RASL12: variants seen among roughly 807,000 people sequenced by gnomAD.
The protein encoded by RASL12 is ras-like protein family member 12.
A neutral mutation model predicts 22.9 loss-of-function variants in RASL12; 16 were observed. That is an observed-to-expected ratio of 0.70 (90% CI 0.47 to 1.06). RASL12 has a LOEUF of 1.06. Ranked by LOEUF, RASL12 falls within the 50% of genes least tolerant of loss-of-function variation. The pLI is 0.00. For synonymous variants in RASL12, 159 were observed against 152.2 expected, an observed-to-expected ratio of 1.04 and a Z score of -0.33; for missense variants, 306 against 353.1, an observed-to-expected ratio of 0.87 and a Z score of 1.07.
downstream of RASL12, among the ~76,000 whole-genome samples, chr15:65,052,469 C>A (rs550790277): frequency 7.0e-6 from 1 of 142,942 alleles, no homozygotes; most frequent in Non-Finnish European, 1.5e-5. Flanking sequence ...GGCACAATCT[C>A]GGCTCACTGC....
intron 3 of RASL12, 116 bp downstream of exon 3, chr15:65,059,229 A>G: frequency 2.4e-6 from 2 of 844,132 alleles, no homozygotes; most frequent in Non-Finnish European, 4.0e-6. Flanking sequence ...GTTACACAGC[A>G]AAGTTGAGCT....
downstream of RASL12, chr15:65,050,040 C>T (rs368220422): frequency 5.2e-5 from 81 of 1,551,526 alleles, no homozygotes; most frequent in South Asian, 7.1e-4. Flanking sequence ...GAGACCCAGC[C>T]GGTACTGTGG....
chr15:65,065,164 G>C, intron 2 of RASL12, 53 bp downstream of exon 2: 1 of 1,571,584 alleles, frequency 6.4e-7, no homozygotes, highest in Non-Finnish European at 8.7e-7. Flanking sequence ...GGTCCCAGGA[G>C]AGCACTCCAG....
chr15:65,075,241 G>A (rs903868607), intron 1 of RASL12, among the ~76,000 whole-genome samples: 7 of 152,222 alleles, frequency 4.6e-5, no homozygotes, highest in East Asian at 1.9e-4. Flanking sequence ...ATTTCTCACC[G>A]GGCCTTAGCT....
At chr15:65,063,641 C>A (rs1385295764) in intron 2 of RASL12, among the ~76,000 whole-genome samples, 1 of 152,228 alleles carries the variant, frequency 6.6e-6, no homozygotes, top group Non-Finnish European at 1.5e-5. Flanking sequence ...ATGTCACCTG[C>A]CCTGCATCCC....
chr15:65,068,127 T>C (rs2086903913), upstream of RASL12: 1 of 1,022,122 alleles, frequency 9.8e-7, no homozygotes, highest in Non-Finnish European at 1.2e-6. The surrounding 1 kb of genome is among the most constrained non-coding windows in gnomAD (Gnocchi z 4.2). Context: ...AGGGAGCTCC[T>C]GCCGGCCGCG....
chr15:65,074,865 G>C (rs2086954125), intron 1 of RASL12, among the ~76,000 whole-genome samples: 1 of 152,270 alleles, frequency 6.6e-6, no homozygotes, highest in Non-Finnish European at 1.5e-5. Flanking sequence ...CATGCTGGCA[G>C]TCCTCAGAGC....
At position 65,054,483 on chromosome 15, in the gene RASL12, C is replaced by A; in HGVS notation, c.*416G>T. 1.0e-6 allele frequency: 1 copy of A among 999,426 alleles called. No homozygotes were observed. Among genetic ancestry groups the A allele is most frequent in the Non-Finnish European group, 1.2e-6 (1 of 839,120 alleles). 61.9% of individuals were successfully genotyped at this position (999,426 alleles called of 1,614,324 possible). A position where few individuals can be genotyped will look rare whatever the true frequency, so the allele number is the denominator to read the frequency against. ...AGGTGGCACAAGGACCCCAGGCTGT[C>A]ATTCCGCAGGCTGTTCTCGGGCCTG... is the stretch of plus-strand genomic sequence containing the variant. On this transcript the variant is annotated 3_prime_UTR_variant, in exon 5 of 5. Transcript: ENST00000220062.
intron 2 of RASL12, among the ~76,000 whole-genome samples, chr15:65,061,418 G>C (rs1380302732): frequency 6.6e-6 from 1 of 152,228 alleles, no homozygotes; most frequent in Non-Finnish European, 1.5e-5. Flanking sequence ...GCATGAGCTG[G>C]AAGAAGCCTT....
At chr15:65,063,208 C>CAA (rs11346505) in intron 2 of RASL12, among the ~76,000 whole-genome samples, 71 of 150,058 alleles carry the variant, frequency 4.7e-4, no homozygotes, top group Non-Finnish European at 8.1e-4. Flanking sequence ...ATCTGAATCT[C>CAA]AAAAAAAAAA....
chr15:65,069,294 T>C (rs1452835402), upstream of RASL12, among the ~76,000 whole-genome samples: 4 of 152,230 alleles, frequency 2.6e-5, no homozygotes, highest in African/African-American at 9.6e-5. Context: ...TTTGTTTAGA[T>C]TACACTCTCA....
rs900865158 is a variant in RASL12 at position 65,067,770 on chromosome 15, G to A, written c.66C>T (p.Asn22=). 1 of 1,581,320 alleles carries A rather than the reference G, an allele frequency of 6.3e-7. No individual in the cohort carries two copies. Among genetic ancestry groups the A allele is most frequent in the Non-Finnish European group, 8.6e-7 (1 of 1,166,428 alleles). Residue 22 remains asparagine (N), a synonymous_variant, in exon 1 of 5, where the codon AAC becomes AAT. Transcript: ENST00000220062. ...CCCCGCGGCGCCCCAGGATGGCCAG[G>A]TTGACCTCGAGGGGCGCGCTCTGAG... The part of the protein sequence containing the change: ...SGPQSAPLEV[N]LAILGRRGAG...
chr15:65,059,966 G>C (rs2086782614), intron 2 of RASL12, among the ~76,000 whole-genome samples: 1 of 152,256 alleles, frequency 6.6e-6, no homozygotes, highest in African/African-American at 2.4e-5. Context: ...AGTGTAGTCA[G>C]AAGTTTTCAG....
At chr15:65,066,510 TAAAA>T in intron 1 of RASL12, among the ~76,000 whole-genome samples, 1 of 145,524 alleles carries the variant, frequency 6.9e-6, no homozygotes, top group Non-Finnish European at 1.5e-5. Context: ...GACACTGTCT[TAAAA>T]AAAAAAAAGT....
At chr15:65,048,833 A>AC (rs1355754469), downstream of RASL12, among the ~76,000 whole-genome samples, 6 of 151,974 alleles carry the variant, frequency 3.9e-5, no homozygotes, top group Non-Finnish European at 7.4e-5. Context: ...ACATGGTGAA[A>AC]CCCCATCTCT....
At chr15:65,061,124 C>T (rs1004640467) in intron 2 of RASL12, among the ~76,000 whole-genome samples, 5 of 152,244 alleles carry the variant, frequency 3.3e-5, no homozygotes, top group Admixed American at 1.3e-4. Context: ...GCTAGCTCAA[C>T]CTTGGTCTCC....
At chr15:65,073,856 C>T (rs767931357) in intron 1 of RASL12, among the ~76,000 whole-genome samples, 2 of 152,164 alleles carry the variant, frequency 1.3e-5, no homozygotes, top group African/African-American at 2.4e-5. Context: ...GTATAAAGTG[C>T]TTACAACAGT....
At chr15:65,050,465 G>A (rs751626976), downstream of RASL12, among the ~76,000 whole-genome samples, 1 of 152,230 alleles carries the variant, frequency 6.6e-6, no homozygotes, top group African/African-American at 2.4e-5. Context: ...CGCATAGTGC[G>A]TTGGTGATGA....
In RASL12 at chr15:65,065,221, G is replaced by A. The variant is rs772808034; in HGVS notation, c.156C>T (p.Asn52=). 2 of 1,612,488 alleles carry A rather than the reference G, an allele frequency of 1.2e-6. No homozygotes were observed. The highest frequency in any genetic ancestry group is 1.1e-5 in the South Asian group (1 of 90,462). ...TKRFISEYDP[N]LEDTYSSEET... ...GTACGGGGAGTAGTTTCTTACCCAA[G>A]TTGGGGTCATATTCACTGATAAACC... The change falls in exon 2 of 5, where the codon AAC becomes AAT. Residue 52 remains asparagine (N), a synonymous_variant. Coordinates refer to ENST00000220062, the MANE Select transcript of RASL12 (RefSeq NM_016563.4).
Sources: gnomAD v4.1 joint callset for allele counts (sites outside exome capture counted in the v4.1 genomes callset) on GRCh38, gnomAD v4.1.1 for gene constraint, Gnocchi (gnomAD v3.1) non-coding constraint, MANE v1.5 for transcripts, NCBI Gene and HGNC (gene_info 2026-07-23, HGNC 2026-07-21) for gene names.